The following ZNG1A variants were observed in gnomAD, a reference collection of about 807,000 sequenced individuals.
ZNG1A encodes Zn regulated GTPase metalloprotein activator 1A, also known as zinc-regulated GTPase metalloprotein activator 1A.
At chr9:177,634 A>C in the ZNG1A span, 2 of 1,491,266 alleles carry the variant, frequency 1.3e-6, no homozygotes, top group African/African-American at 1.4e-5. Context: ...ATAGGAGTGA[A>C]ACTATCCCTA....
chr9:174,196 G>A, the ZNG1A span, among the ~76,000 whole-genome samples: 1 of 149,458 alleles, frequency 6.7e-6, no homozygotes, highest in Non-Finnish European at 1.5e-5. Context: ...TATTTTCCTA[G>A]CAATACTTAC....
the ZNG1A span, among the ~76,000 whole-genome samples, chr9:157,591 A>T: frequency 2.7e-5 from 4 of 148,718 alleles, no homozygotes; most frequent in East Asian, 7.8e-4. Context: ...TAAAGGAAGA[A>T]ACTAAATCTA....
the ZNG1A span, chr9:150,727 T>C: frequency 1.0e-6 from 1 of 978,606 alleles, no homozygotes; most frequent in Non-Finnish European, 1.2e-6. Flanking sequence ...TTTATTGTTC[T>C]ATAATAAAGC....
At chr9:154,348 G>C in the ZNG1A span, 6 of 369,974 alleles carry the variant, frequency 1.6e-5, no homozygotes, top group African/African-American at 4.2e-5. Flanking sequence ...AATACATTAC[G>C]AGTAAAGACA....
At chr9:137,534 T>C in the ZNG1A span, among the ~76,000 whole-genome samples, 1 of 152,150 alleles carries the variant, frequency 6.6e-6, no homozygotes, top group Admixed American at 6.5e-5. Flanking sequence ...GGATCATGGC[T>C]AACTAGTGAA....
the ZNG1A span, among the ~76,000 whole-genome samples, chr9:174,525 G>GT: frequency 6.6e-6 from 1 of 151,894 alleles, no homozygotes; most frequent in Non-Finnish European, 1.5e-5. Flanking sequence ...AAAGAAAATA[G>GT]TAAGAATAAA....
the ZNG1A span, among the ~76,000 whole-genome samples, chr9:164,995 A>T: frequency 6.6e-6 from 1 of 152,142 alleles, no homozygotes; most frequent in Non-Finnish European, 1.5e-5. Flanking sequence ...TTTTCCCAAA[A>T]ACTTAATAGT....
chr9:144,207 T>A, the ZNG1A span, among the ~76,000 whole-genome samples: 1 of 98,988 alleles, frequency 1.0e-5, no homozygotes, highest in East Asian at 3.4e-4. Context: ...TTAAAGTTCG[T>A]ATGGAACCAA....
At chr9:169,734 T>C in the ZNG1A span, among the ~76,000 whole-genome samples, 2 of 150,700 alleles carry the variant, frequency 1.3e-5, no homozygotes, top group African/African-American at 2.5e-5. Flanking sequence ...GACTATGACT[T>C]GCTGAAAGCT....
At chr9:129,299 G>A in the ZNG1A span, among the ~76,000 whole-genome samples, 3 of 152,082 alleles carry the variant, frequency 2.0e-5, no homozygotes, top group South Asian at 2.1e-4. Context: ...GCAGAAAAGT[G>A]CTTTCTTGCT....
chr9:121,515 T>C, the ZNG1A span: 1 of 1,611,410 alleles, frequency 6.2e-7, no homozygotes, highest in Non-Finnish European at 8.5e-7. Context: ...ACTGCTTTTC[T>C]GTTTCTGTCA....
the ZNG1A span, among the ~76,000 whole-genome samples, chr9:144,880 G>T: frequency 6.6e-6 from 1 of 151,028 alleles, no homozygotes; most frequent in Non-Finnish European, 1.5e-5. Flanking sequence ...TCAAAAAGTG[G>T]GCGAAGGACA....
the ZNG1A span, among the ~76,000 whole-genome samples, chr9:140,304 A>G: frequency 6.6e-6 from 1 of 151,884 alleles, no homozygotes; most frequent in Non-Finnish European, 1.5e-5. Context: ...CCCAGCACGC[A>G]GCTGGAGATC....
At chr9:144,745 C>T in the ZNG1A span, among the ~76,000 whole-genome samples, 1 of 151,334 alleles carries the variant, frequency 6.6e-6, no homozygotes, top group Non-Finnish European at 1.5e-5. Flanking sequence ...AAACTACCAT[C>T]AGAGTGAACA....
the ZNG1A span, chr9:166,345 C>G: frequency 4.1e-5 from 6 of 147,804 alleles, no homozygotes; most frequent in Non-Finnish European, 8.9e-5. Flanking sequence ...AACTAGGGCT[C>G]AGGAGAAAAA....
the ZNG1A span, chr9:150,278 C>A: frequency 4.4e-5 from 8 of 183,148 alleles, no homozygotes; most frequent in African/African-American, 1.0e-4. Context: ...AGGCGCCCAC[C>A]ACCAGGCTCA....
At chr9:147,593 A>G in the ZNG1A span, 1 of 142,954 alleles carries the variant, frequency 7.0e-6, no homozygotes, top group Non-Finnish European at 1.5e-5. Context: ...TGGGCATTTT[A>G]GATGTACAGA....
At chr9:157,198 G>T in the ZNG1A span, among the ~76,000 whole-genome samples, 1 of 140,058 alleles carries the variant, frequency 7.1e-6, no homozygotes, top group Admixed American at 7.3e-5. Flanking sequence ...GACCTCTCCA[G>T]AGTCAGGCTA....
At chr9:156,932 C>A in the ZNG1A span, among the ~76,000 whole-genome samples, 1 of 151,084 alleles carries the variant, frequency 6.6e-6, no homozygotes, top group Non-Finnish European at 1.5e-5. Flanking sequence ...AAAAGGATAA[C>A]CACTGAAATA....
Sources: allele counts gnomAD v4.1 joint callset (sites outside exome capture counted in the v4.1 genomes callset), GRCh38; gene constraint gnomAD v4.1.1; transcripts MANE v1.5; gene names NCBI Gene and HGNC (gene_info 2026-07-23, HGNC 2026-07-21).